Variants in TMEM132B observed in about 807,000 individuals in gnomAD.
TMEM132B encodes transmembrane protein 132B.
In TMEM132B, 18 loss-of-function variants were observed where a neutral mutation model predicts 90.8. The ratio of observed to expected loss-of-function variants is 0.20; its 90% confidence interval spans 0.14 to 0.29. TMEM132B has a LOEUF of 0.29. Ranked by LOEUF, TMEM132B falls within the 10% of genes least tolerant of loss-of-function variation. The pLI is 1.00. For synonymous variants in TMEM132B, 504 were observed against 523.3 expected, an observed-to-expected ratio of 0.96 and a Z score of 0.50; for missense variants, 1,096 against 1,326.8, an observed-to-expected ratio of 0.83 and a Z score of 2.70.
chr12:125,352,041 G>A (rs890449504), intron 2 of TMEM132B, among the ~76,000 whole-genome samples: 2 of 152,110 alleles, frequency 1.3e-5, no homozygotes, highest in Admixed American at 1.3e-4. Flanking sequence ...TTTTCTGAAG[G>A]CTCCCCCAAG....
chr12:125,569,675 T>C (rs1884743537), intron 4 of TMEM132B, among the ~76,000 whole-genome samples: 1 of 152,024 alleles, frequency 6.6e-6, no homozygotes, highest in Non-Finnish European at 1.5e-5. Flanking sequence ...TGAGGACACA[T>C]CCTGGAATCC....
intron 3 of TMEM132B, among the ~76,000 whole-genome samples, chr12:125,509,295 G>T (rs1268061909): frequency 6.6e-6 from 1 of 152,182 alleles, no homozygotes; most frequent in African/African-American, 2.4e-5. Context: ...ACCTGCCTGG[G>T]CCGGGGCTTC....
intron 4 of TMEM132B, among the ~76,000 whole-genome samples, chr12:125,563,166 TA>T (rs1884577458): frequency 6.7e-6 from 1 of 148,336 alleles, no homozygotes; most frequent in East Asian, 2.0e-4. Flanking sequence ...ATAATAATAA[TA>T]ATAATAATAA....
At chr12:125,194,419 A>G (rs116809463) in intron 1 of TMEM132B, among the ~76,000 whole-genome samples, 1,909 of 152,234 alleles carry the variant, frequency 0.013, 44 homozygotes, top group African/African-American at 0.038. Context: ...AAATGGACAC[A>G]TGAAAATACT....
intron 2 of TMEM132B, among the ~76,000 whole-genome samples, chr12:125,359,548 A>C (rs981628334): frequency 6.6e-6 from 1 of 152,216 alleles, no homozygotes; most frequent in Non-Finnish European, 1.5e-5. Flanking sequence ...CTCAGTGCTC[A>C]TTCCTTATGG....
At chr12:125,193,714 AC>A (rs1267334029) in intron 1 of TMEM132B, among the ~76,000 whole-genome samples, 1 of 152,216 alleles carries the variant, frequency 6.6e-6, no homozygotes, top group Non-Finnish European at 1.5e-5. Context: ...AGAAATGGCA[AC>A]CAGCTCATTC....
intron 1 of TMEM132B, among the ~76,000 whole-genome samples, chr12:125,228,906 C>T (rs1873747758): frequency 6.6e-6 from 1 of 152,198 alleles, no homozygotes; most frequent in Admixed American, 6.5e-5. Context: ...GCTTCTTTGA[C>T]TAATTCTCTC....
intron 2 of TMEM132B, among the ~76,000 whole-genome samples, chr12:125,378,301 C>T (rs1032271688): frequency 3.3e-5 from 5 of 152,166 alleles, no homozygotes; most frequent in Non-Finnish European, 4.4e-5. Context: ...GGTTCAGATC[C>T]CTATTCTGCC....
intron 1 of TMEM132B, among the ~76,000 whole-genome samples, chr12:125,296,529 C>T (rs1178105416): frequency 6.6e-6 from 1 of 152,218 alleles, no homozygotes; most frequent in African/African-American, 2.4e-5. Context: ...CTGCCCTGTT[C>T]CCCACTGCTT....
At chr12:125,636,916 A>C (rs1886497037) in intron 5 of TMEM132B, among the ~76,000 whole-genome samples, 1 of 152,214 alleles carries the variant, frequency 6.6e-6, no homozygotes, top group East Asian at 1.9e-4. Context: ...ACACTCTCAC[A>C]ATAGTCCACA....
chr12:125,386,831 T>C (rs1428403878), intron 2 of TMEM132B, among the ~76,000 whole-genome samples: 1 of 152,236 alleles, frequency 6.6e-6, no homozygotes. Flanking sequence ...GCCTGCTGTT[T>C]TGATGTCTCA....
intron 1 of TMEM132B, among the ~76,000 whole-genome samples, chr12:125,272,725 T>C (rs781050313): frequency 3.3e-5 from 5 of 152,166 alleles, no homozygotes; most frequent in Non-Finnish European, 7.3e-5. Context: ...GTCGTCACAT[T>C]ATTAAATGAC....
chr12:125,567,546 C>A (rs947957958), intron 4 of TMEM132B, among the ~76,000 whole-genome samples: 1 of 152,186 alleles, frequency 6.6e-6, no homozygotes, highest in Admixed American at 6.5e-5. Context: ...CTGCTCACTG[C>A]AGTCACCAAG....
rs145128666 is a variant in TMEM132B, at chr12:125,542,174, G to A, written c.1293+22549G>A. On this transcript the variant is annotated intron_variant, in intron 4 of 8. Transcript: ENST00000682704. ...ATGAATTTGATTTGCTCTTTGACCT[G>A]TACATTAATGCGTACCTCTAACCCA... Among the ~76,000 whole-genome samples the A allele has an allele frequency of 5.4e-3, 826 of 152,036 alleles. 6 individuals are homozygous for A. The highest frequency in any genetic ancestry group is 0.019 in the African/African-American group (780 of 41,478).
chr12:125,200,925 C>T (rs73233312), intron 1 of TMEM132B, among the ~76,000 whole-genome samples: 8,719 of 152,232 alleles, frequency 0.057, 301 homozygotes, highest in Non-Finnish European at 0.07. Context: ...TGGCATTTCT[C>T]CAGATTCTAG....
chr12:125,254,268 G>A (rs1460189996), intron 1 of TMEM132B, among the ~76,000 whole-genome samples: 1 of 151,884 alleles, frequency 6.6e-6, no homozygotes, highest in African/African-American at 2.4e-5. Context: ...GTCACAGAGT[G>A]AGATCTTGCC....
chr12:125,574,866 T>G (rs1884897005), intron 4 of TMEM132B, among the ~76,000 whole-genome samples: 1 of 151,468 alleles, frequency 6.6e-6, no homozygotes, highest in Non-Finnish European at 1.5e-5. Flanking sequence ...ATATCTGTAC[T>G]GATGTTCCCA....
chr12:125,348,373 T>C (rs1228688187), intron 1 of TMEM132B, among the ~76,000 whole-genome samples: 2 of 152,180 alleles, frequency 1.3e-5, no homozygotes, highest in South Asian at 2.1e-4. Flanking sequence ...GTCGCCCAGA[T>C]TGGAGTGCAG....
At chr12:125,336,190 C>T (rs1876952503) in intron 1 of TMEM132B, among the ~76,000 whole-genome samples, 1 of 152,126 alleles carries the variant, frequency 6.6e-6, no homozygotes, top group African/African-American at 2.4e-5. Flanking sequence ...CCGATGTGTT[C>T]TTCATCCCTC....
Sources: allele counts gnomAD v4.1 joint callset (sites outside exome capture counted in the v4.1 genomes callset), GRCh38; gene constraint gnomAD v4.1.1; transcripts MANE v1.5; gene names NCBI Gene and HGNC (gene_info 2026-07-23, HGNC 2026-07-21).